Variants in ST8SIA5 observed in about 807,000 individuals in gnomAD.
ST8SIA5 encodes the protein alpha-2,8-sialyltransferase 8E.
A neutral mutation model predicts 40.2 loss-of-function variants in ST8SIA5; 24 were observed. The ratio of observed to expected loss-of-function variants is 0.60; its 90% confidence interval spans 0.43 to 0.84. The LOEUF (loss-of-function observed/expected upper bound fraction) is 0.84, where lower values mean the gene tolerates loss of function less well. Ranked by LOEUF, ST8SIA5 falls within the 40% of genes least tolerant of loss-of-function variation. The pLI, the probability that ST8SIA5 is intolerant of heterozygous loss-of-function variation, is 0.00. For synonymous variants in ST8SIA5, 198 were observed against 201.8 expected, an observed-to-expected ratio of 0.98 and a Z score of 0.16; for missense variants, 465 against 498.5, an observed-to-expected ratio of 0.93 and a Z score of 0.64.
chr18:46,710,848 A>G (rs1157188447), intron 1 of ST8SIA5, among the ~76,000 whole-genome samples: 1 of 152,140 alleles, frequency 6.6e-6, no homozygotes, highest in Non-Finnish European at 1.5e-5. Context: ...ACTGGCTGCT[A>G]CAAGATGAGG....
chr18:46,719,662 A>C (rs1046225829), intron 1 of ST8SIA5, among the ~76,000 whole-genome samples: 19 of 30,828 alleles, frequency 6.2e-4, no homozygotes, highest in Admixed American at 4.6e-3. Flanking sequence ...TCGCCTTTCT[A>C]TCTTTCTCTT....
intron 1 of ST8SIA5, among the ~76,000 whole-genome samples, chr18:46,748,234 AAATTAATT>A (rs1433087283): frequency 1.5e-5 from 2 of 137,270 alleles, no homozygotes; most frequent in Non-Finnish European, 3.2e-5. Context: ...ATAAATAAAT[AAATTAATT>A]AATTTAAAAA....
At chr18:46,726,209 A>C (rs2039928138) in intron 1 of ST8SIA5, among the ~76,000 whole-genome samples, 1 of 150,722 alleles carries the variant, frequency 6.6e-6, no homozygotes, top group South Asian at 2.1e-4. Context: ...TAATAATTAA[A>C]TAAAATAAAT....
intron 5 of ST8SIA5, among the ~76,000 whole-genome samples, chr18:46,684,475 G>A (rs909000212): frequency 6.6e-6 from 1 of 152,098 alleles, no homozygotes; most frequent in African/African-American, 2.4e-5. Flanking sequence ...TGACCCCAAG[G>A]GGTAGTTACT....
At chr18:46,737,448 C>T (rs556286934) in intron 1 of ST8SIA5, among the ~76,000 whole-genome samples, 8 of 152,206 alleles carry the variant, frequency 5.3e-5, no homozygotes, top group Non-Finnish European at 1.0e-4. Context: ...TCCCCCAGCG[C>T]AAAGCTGAGA....
At chr18:46,704,534 A>G (rs746735262) in intron 2 of ST8SIA5, 38 bp downstream of exon 2, 1 of 1,396,056 alleles carries the variant, frequency 7.2e-7, no homozygotes, top group South Asian at 1.5e-5. Context: ...CCCCACCTCC[A>G]CATGCTCCCT....
chr18:46,744,161 G>A (rs146264521), intron 1 of ST8SIA5, among the ~76,000 whole-genome samples: 4 of 152,216 alleles, frequency 2.6e-5, no homozygotes, highest in East Asian at 3.9e-4. Flanking sequence ...ATCAATTAAC[G>A]GGCAAAATAA....
At chr18:46,712,542 C>T (rs1209090192) in intron 1 of ST8SIA5, among the ~76,000 whole-genome samples, 2 of 152,180 alleles carry the variant, frequency 1.3e-5, no homozygotes, top group African/African-American at 4.8e-5. Context: ...CCCTTCGTGG[C>T]CCTCCCTCCT....
intron 1 of ST8SIA5, among the ~76,000 whole-genome samples, chr18:46,718,367 G>T (rs2039815630): frequency 6.6e-6 from 1 of 150,746 alleles, no homozygotes. Context: ...ATTCCTATAT[G>T]CTCATTAAAT....
intron 1 of ST8SIA5, among the ~76,000 whole-genome samples, chr18:46,705,156 C>T (rs1357731003): frequency 1.3e-5 from 2 of 152,202 alleles, no homozygotes; most frequent in East Asian, 1.9e-4. Context: ...ACTGATGGGC[C>T]TTTCTCCCCA....
At position 46,756,652 on chromosome 18, in the gene ST8SIA5, T is replaced by C; in HGVS notation, c.-144A>G. ...GGGGGACTTCGAGGGGCAAAGTTTC[T>C]GGTTGGCGCGGCCGGAGCTGGGGGC... On this transcript the variant is annotated 5_prime_UTR_variant, in exon 1 of 7. Coordinates refer to ENST00000315087, the MANE Select transcript of ST8SIA5 (RefSeq NM_013305.6). The C allele has an allele frequency of 4.0e-6, 4 of 1,009,622 alleles. No individual in the cohort carries two copies. The highest frequency in any genetic ancestry group is 4.2e-6 in the Non-Finnish European group (3 of 712,768). 62.5% of individuals were successfully genotyped at this position (1,009,622 alleles called of 1,614,324 possible). A position where few individuals can be genotyped will look rare whatever the true frequency, so the allele number is the denominator to read the frequency against.
Position 46,676,586 on chromosome 18 carries a change from T to C in ST8SIA5, c.*3456A>G, listed in dbSNP as rs2039340852. The stretch of plus-strand genomic sequence containing the variant: ...AGTGGGCAGAGCTGCCGCAGCAGCA[T>C]TGCTGAAATGGTCTCAGACGCTGCC... On this transcript the variant is annotated 3_prime_UTR_variant, in exon 7 of 7. Coordinates refer to ENST00000315087, the MANE Select transcript of ST8SIA5 (RefSeq NM_013305.6). 1 of 152,230 alleles carries C rather than the reference T, an allele frequency of 6.6e-6. No individual in the cohort carries two copies. Among genetic ancestry groups the C allele is most frequent in the Non-Finnish European group, 1.5e-5 (1 of 68,054 alleles). The allele number at this position is 152,230 out of a possible 1,614,324, so 9.4% of individuals were successfully genotyped here. A position where few individuals can be genotyped will look rare whatever the true frequency, so the allele number is the denominator to read the frequency against.
rs376503253 is a variant in ST8SIA5 at position 46,680,456 on chromosome 18, G to C, written c.717C>G (p.Tyr239Ter). Reference sequence around the variant, plus strand: ...CAGGCAGCAGCACCGACGCGTTCTCGTACACCTGCAGCACGCGATAGAACG... The same window carrying C: ...CAGGCAGCAGCACCGACGCGTTCTCCTACACCTGCAGCACGCGATAGAACG... ...RRPFYRVLQVYENASVLLPAF... is the reference protein window; with the variant it reads ...RRPFYRVLQV Residue 239 changes from tyrosine to a stop codon, truncating the protein, a stop_gained, in exon 7 of 7, where the codon TAC becomes TAG. Coordinates refer to ENST00000315087, the MANE Select transcript of ST8SIA5 (RefSeq NM_013305.6). LOFTEE classifies it high-confidence loss of function. 1 of 1,608,564 alleles carries C rather than the reference G, an allele frequency of 6.2e-7. No homozygotes were observed. Among genetic ancestry groups the C allele is most frequent in the South Asian group, 1.1e-5 (1 of 90,340 alleles).
At chr18:46,718,873 G>A (rs1335313687) in intron 1 of ST8SIA5, among the ~76,000 whole-genome samples, 1 of 152,116 alleles carries the variant, frequency 6.6e-6, no homozygotes, top group Non-Finnish European at 1.5e-5. Context: ...GACAATGTAC[G>A]TCGTGTCCTC....
chr18:46,740,712 T>A (rs952149926), intron 1 of ST8SIA5, among the ~76,000 whole-genome samples: 1 of 152,202 alleles, frequency 6.6e-6, no homozygotes, highest in African/African-American at 2.4e-5. Context: ...TGAAAATACA[T>A]CTGGTATTTA....
intron 1 of ST8SIA5, among the ~76,000 whole-genome samples, chr18:46,714,612 C>T (rs1466140877): frequency 6.6e-6 from 1 of 152,092 alleles, no homozygotes; most frequent in African/African-American, 2.4e-5. Context: ...GAGTGCTATC[C>T]CCCCACGGAA....
At chr18:46,735,868 C>T (rs1350880742) in intron 1 of ST8SIA5, among the ~76,000 whole-genome samples, 1 of 152,100 alleles carries the variant, frequency 6.6e-6, no homozygotes, top group African/African-American at 2.4e-5. Context: ...CCACTTTGGC[C>T]TCCCAAAGTG....
chr18:46,687,152 T>A (rs1358765678), intron 4 of ST8SIA5, among the ~76,000 whole-genome samples: 1 of 152,252 alleles, frequency 6.6e-6, no homozygotes, highest in Non-Finnish European at 1.5e-5. Context: ...AAGCCAGGAA[T>A]GGATTTTATA....
chr18:46,718,162 C>G (rs2039811956), intron 1 of ST8SIA5, among the ~76,000 whole-genome samples: 3 of 152,062 alleles, frequency 2.0e-5, no homozygotes. Flanking sequence ...AACCCCGTCT[C>G]TACTAAAAAT....
Sources: gnomAD v4.1 joint callset for allele counts (sites outside exome capture counted in the v4.1 genomes callset) on GRCh38, gnomAD v4.1.1 for gene constraint, MANE v1.5 for transcripts, NCBI Gene and HGNC (gene_info 2026-07-23, HGNC 2026-07-21) for gene names.